The following MYO15B variants were observed in gnomAD, a reference collection of about 807,000 sequenced individuals.
The protein encoded by MYO15B is myosin XVB, also known as myosin XVB pseudogene.
MYO15B carries 207 observed loss-of-function variants against 119.3 expected under a neutral mutation model. That is an observed-to-expected ratio of 1.73 (90% CI 1.55 to 1.95). MYO15B has a LOEUF of 1.95. Ranked by LOEUF, MYO15B falls within the 30% of genes most tolerant of loss-of-function variation. The pLI, the probability that MYO15B is intolerant of heterozygous loss-of-function variation, is 0.00. For missense variants in MYO15B, 2,264 were observed against 1,203.1 expected (o/e 1.88, Z -13.04); for synonymous variants, 966 against 498.9 (o/e 1.94, Z -12.48).
At chr17:75,607,916 AAGGGTTCCAGTTTCTCTAC>A (rs1460591564) in intron 21 of MYO15B, among the ~76,000 whole-genome samples, 1 of 152,156 alleles carries the variant, frequency 6.6e-6, no homozygotes, top group East Asian at 1.9e-4. Context: ...AGCAATGTAC[AAGGGTTCCAGTTTCTCTAC>A]ATCCTTGCCA....
At chr17:75,610,114 G>A in intron 21 of MYO15B, 52 bp from the exon 22 acceptor site, 1 of 638,574 alleles carries the variant, frequency 1.6e-6, no homozygotes, top group South Asian at 1.7e-5. Flanking sequence ...TGCCAGGCAG[G>A]AAGCATAAGT....
At chr17:75,596,083 A>G (rs1161634974) in intron 12 of MYO15B, among the ~76,000 whole-genome samples, 2 of 152,176 alleles carry the variant, frequency 1.3e-5, no homozygotes, top group African/African-American at 4.8e-5. Flanking sequence ...CACTTCCTAT[A>G]GGAGGAAGGC....
intron 53 of MYO15B, 125 bp from the exon 54 acceptor site, chr17:75,623,656 T>G: frequency 1.5e-6 from 1 of 645,508 alleles, no homozygotes; most frequent in Non-Finnish European, 2.8e-6. Context: ...TGCAGTGATG[T>G]CTTAAGCTGA....
chr17:75,604,261 C>A (rs1175600804), intron 19 of MYO15B, among the ~76,000 whole-genome samples: 1 of 152,162 alleles, frequency 6.6e-6, no homozygotes, highest in African/African-American at 2.4e-5. Context: ...AGGTACAACT[C>A]TCCACCCAGC....
intron 4 of MYO15B, 117 bp from the exon 5 acceptor site, chr17:75,591,484 T>A: frequency 1.5e-6 from 1 of 660,100 alleles, no homozygotes; most frequent in South Asian, 1.6e-5. Flanking sequence ...TTTCCACATT[T>A]ATGGGGGTCT....
At chr17:75,601,959 G>A (rs1414905089) in intron 15 of MYO15B, among the ~76,000 whole-genome samples, 1 of 152,180 alleles carries the variant, frequency 6.6e-6, no homozygotes, top group African/African-American at 2.4e-5. Context: ...GCACATAGTA[G>A]GTGCTCACTG....
chr17:75,617,722 G>T (rs1289063685), intron 41 of MYO15B, 88 bp from the exon 42 acceptor site: 1 of 626,460 alleles, frequency 1.6e-6, no homozygotes, highest in East Asian at 2.8e-5. Flanking sequence ...TGGAAGGCTC[G>T]TGGGGATGAA....
chr17:75,598,476 G>A (rs1444842139), intron 14 of MYO15B, among the ~76,000 whole-genome samples: 1 of 149,382 alleles, frequency 6.7e-6, no homozygotes. Context: ...TACTGGGGAG[G>A]CTGAGGCAGG....
intron 9 of MYO15B, among the ~76,000 whole-genome samples, chr17:75,593,503 G>C (rs2056619725): frequency 6.6e-6 from 1 of 151,920 alleles, no homozygotes; most frequent in Non-Finnish European, 1.5e-5. Flanking sequence ...CAGCTACTTA[G>C]AGAAGCTGAG....
At chr17:75,626,093 G>C (rs939145607) in exon 63 of MYO15B, 4 of 702,976 alleles carry the variant, frequency 5.7e-6, no homozygotes, top group Admixed American at 4.0e-5. Context: ...CCCAGAGCCT[G>C]TACTGCCGCA....
At chr17:75,588,234 C>T (rs2056187231) in exon 1 of MYO15B, 1 of 398,050 alleles carries the variant, frequency 2.5e-6, no homozygotes. Flanking sequence ...CCGCCGGGGG[C>T]CAGGGAACCC....
intron 19 of MYO15B, among the ~76,000 whole-genome samples, chr17:75,604,458 C>T (rs1409705599): frequency 2.0e-5 from 3 of 147,056 alleles, no homozygotes; most frequent in Non-Finnish European, 4.5e-5. Flanking sequence ...CTCCCCCACC[C>T]ACCCCTTCCT....
intron 5 of MYO15B, 44 bp from the exon 6 acceptor site, chr17:75,591,933 G>A (rs948888454): frequency 2.9e-6 from 2 of 694,874 alleles, no homozygotes; most frequent in Non-Finnish European, 2.6e-6. Flanking sequence ...TGCTGGTGGG[G>A]GCTACTGCTG....
At chr17:75,616,479 G>A (rs796582050) in intron 38 of MYO15B, 33 bp downstream of exon 38, 54 of 673,514 alleles carry the variant, frequency 8.0e-5, no homozygotes, top group African/African-American at 5.3e-4. Context: ...CTGGGGCTCC[G>A]GTGGCTCTGC....
chr17:75,589,272 G>A lies in MYO15B; in HGVS notation c.1215G>A (p.Gly405=), dbSNP rs1213163779. 4 of 398,134 alleles carry A rather than the reference G, an allele frequency of 1.0e-5. No individual in the cohort carries two copies. The highest frequency in any genetic ancestry group is 1.8e-5 in the Non-Finnish European group (4 of 225,870). The allele number at this position is 398,134 out of a possible 1,614,324, so 24.7% of individuals were successfully genotyped here. A position where few individuals can be genotyped will look rare whatever the true frequency, so the allele number is the denominator to read the frequency against. The change falls in exon 1 of 64, where the codon GGG becomes GGA. Residue 405 remains glycine (G), a synonymous_variant. Coordinates refer to ENST00000645453, the Ensembl canonical transcript of MYO15B. The surrounding 1 kb of genome is among the most constrained non-coding windows in gnomAD (Gnocchi z 4.2). ...GTACCGGGCCACGGGCGAGCGAGGG[G>A]TGGGGCCGCCGGAAACCGGACGAGG...
At chr17:75,621,874 G>C in intron 52 of MYO15B, 130 bp from the exon 53 acceptor site, 1 of 632,148 alleles carries the variant, frequency 1.6e-6, no homozygotes, top group Non-Finnish European at 2.9e-6. Flanking sequence ...CAGCTGCCCT[G>C]GCTGGCATCT....
chr17:75,588,338 A>G (rs1170504412), exon 1 of MYO15B: 2 of 398,358 alleles, frequency 5.0e-6, no homozygotes, highest in South Asian at 2.5e-4. Flanking sequence ...AGGCAAAGCA[A>G]CGCGCAGCGT....
chr17:75,608,338 C>T (rs529085223), intron 21 of MYO15B, among the ~76,000 whole-genome samples: 3 of 151,978 alleles, frequency 2.0e-5, no homozygotes, highest in African/African-American at 7.2e-5. Flanking sequence ...AGGCTGGTCT[C>T]GAACTCCTGA....
At chr17:75,606,542 C>T (rs1357424545) in intron 21 of MYO15B, among the ~76,000 whole-genome samples, 8 of 151,106 alleles carry the variant, frequency 5.3e-5, no homozygotes, top group African/African-American at 1.5e-4. Flanking sequence ...GGTGCGATCT[C>T]GGGTCACTGC....
Sources: allele counts gnomAD v4.1 joint callset (sites outside exome capture counted in the v4.1 genomes callset), GRCh38; gene constraint gnomAD v4.1.1; non-coding constraint Gnocchi (gnomAD v3.1); transcripts MANE v1.5; gene names NCBI Gene and HGNC (gene_info 2026-07-23, HGNC 2026-07-21).